PDC: variants seen among roughly 807,000 people sequenced by gnomAD.
PDC encodes phosducin, also known as 33 kDa phototransducing protein.
PDC carries 19 observed loss-of-function variants against 22.2 expected under a neutral mutation model. The observed-to-expected ratio is 0.86, with a 90% CI of 0.60 to 1.26. The LOEUF is 1.26. Ranked by LOEUF, PDC falls within the 50% of genes most tolerant of loss-of-function variation. The pLI is 0.00. For synonymous variants in PDC, 97 were observed against 96.2 expected, an observed-to-expected ratio of 1.01 and a Z score of -0.05; for missense variants, 274 against 286.8, an observed-to-expected ratio of 0.96 and a Z score of 0.32.
rs1460639127 is a variant in PDC at position 186,446,587 on chromosome 1, A to T, written c.62-10T>A. 8.8e-6 allele frequency: 13 copies of T among 1,472,062 alleles called. No homozygotes were observed. The highest frequency in any genetic ancestry group is 1.1e-5 in the Non-Finnish European group (12 of 1,075,128). The allele number at this position is 1,472,062 out of a possible 1,614,324, so 91.2% of individuals were successfully genotyped here. ...ATTACTCCTTTGGGTCCTGGAATGA[A>T]ATTAAAAATAAATTGTTTTCCTTTT... On this transcript the variant is annotated splice_polypyrimidine_tract_variant and intron_variant, in intron 2 of 3. Coordinates refer to ENST00000391997, the MANE Select transcript of PDC (RefSeq NM_002597.5).
At chr1:186,452,696 C>A (rs375267680) in intron 1 of PDC, among the ~76,000 whole-genome samples, 1 of 152,092 alleles carries the variant, frequency 6.6e-6, no homozygotes, top group African/African-American at 2.4e-5. Flanking sequence ...ATTTACAATG[C>A]TATTATTTCA....
Position 186,454,429 on chromosome 1 carries a change from C to G in PDC, c.-24-4946G>C, listed in dbSNP as rs573687368. 1.4e-4 allele frequency among the ~76,000 whole-genome samples: 21 copies of G among 151,764 alleles called. 1 individual carries two copies. In the South Asian group the frequency reaches 4.1e-3, roughly 30 times the overall value. Reference sequence around the variant, plus strand: ...CCTGACCTTGCGATCCACCCTCAGCCTCCCAAAGTGGCTGGGATTACAGTC... The same window carrying G: ...CCTGACCTTGCGATCCACCCTCAGCGTCCCAAAGTGGCTGGGATTACAGTC... On this transcript the variant is annotated intron_variant, in intron 1 of 3. Coordinates refer to ENST00000391997, the MANE Select transcript of PDC (RefSeq NM_002597.5).
At chr1:186,458,755 G>A (rs996935603) in intron 1 of PDC, among the ~76,000 whole-genome samples, 1 of 152,172 alleles carries the variant, frequency 6.6e-6, no homozygotes, top group African/African-American at 2.4e-5. Context: ...CAACAGTCCT[G>A]TTTGGGCCAG....
chr1:186,448,180 G>C (rs1662275236), intron 2 of PDC, among the ~76,000 whole-genome samples: 1 of 152,096 alleles, frequency 6.6e-6, no homozygotes, highest in African/African-American at 2.4e-5. Context: ...AAATTCCCTG[G>C]TCAAAGGGCA....
intron 1 of PDC, among the ~76,000 whole-genome samples, chr1:186,450,012 T>C (rs2102131901): frequency 6.6e-6 from 1 of 152,298 alleles, no homozygotes; most frequent in Middle Eastern, 3.4e-3. Context: ...TGACATGTTG[T>C]AACCGAGGAA....
intron 3 of PDC, 29 bp downstream of exon 3, chr1:186,446,397 A>C (rs766266123): frequency 6.6e-7 from 1 of 1,508,526 alleles, no homozygotes. Flanking sequence ...ATTGTAAATT[A>C]TTTATTACTG....
intron 1 of PDC, among the ~76,000 whole-genome samples, chr1:186,457,810 C>G (rs1468834425): frequency 1.3e-5 from 2 of 152,076 alleles, no homozygotes; most frequent in Non-Finnish European, 2.9e-5. Flanking sequence ...TGTTTTCTTT[C>G]TTTTAAATAC....
chr1:186,446,026 C>A (rs1381667801), intron 3 of PDC, among the ~76,000 whole-genome samples: 1 of 152,112 alleles, frequency 6.6e-6, no homozygotes, highest in East Asian at 1.9e-4. Flanking sequence ...CAAAGTTTAA[C>A]CTTAGCATAA....
intron 1 of PDC, among the ~76,000 whole-genome samples, chr1:186,458,018 G>T (rs1662503269): frequency 1.3e-5 from 2 of 152,024 alleles, no homozygotes; most frequent in Admixed American, 1.3e-4. Context: ...CAACAAATGG[G>T]ACTGGGCAGG....
chr1:186,447,917 C>T (rs952133707), intron 2 of PDC, among the ~76,000 whole-genome samples: 2 of 152,088 alleles, frequency 1.3e-5, no homozygotes, highest in Admixed American at 6.5e-5. Context: ...CTGCATTTTT[C>T]CTTACCTTGT....
chr1:186,459,794 CT>C (rs1224145496), intron 1 of PDC, among the ~76,000 whole-genome samples: 4 of 107,498 alleles, frequency 3.7e-5, no homozygotes, highest in African/African-American at 9.3e-5. Flanking sequence ...AAAATGGACT[CT>C]ATAGTTAGAA....
chr1:186,454,517 C>G (rs948709006), intron 1 of PDC, among the ~76,000 whole-genome samples: 2 of 152,140 alleles, frequency 1.3e-5, no homozygotes, highest in African/African-American at 4.8e-5. Flanking sequence ...CTAATAACGA[C>G]TCTGGAAGGT....
intron 1 of PDC, among the ~76,000 whole-genome samples, chr1:186,451,900 A>T (rs906163765): frequency 6.6e-6 from 1 of 152,232 alleles, no homozygotes; most frequent in Non-Finnish European, 1.5e-5. Context: ...CACTAATACT[A>T]AGACTTAAAT....
rs533402593 is a variant in PDC, at chr1:186,448,678, G to A, written c.61+721C>T. ...TTGTTTTTGTTTTTGTCATAATTAG[G>A]AAGGTATTCCTCACATTGCTATTAT... On this transcript the variant is annotated intron_variant, in intron 2 of 3. Coordinates refer to ENST00000391997, the MANE Select transcript of PDC (RefSeq NM_002597.5). 76 of 966,150 alleles carry A rather than the reference G, an allele frequency of 7.9e-5. No homozygotes were observed. The African/African-American group carries it at 1.2e-3, about 15-fold the overall frequency. 59.8% of individuals were successfully genotyped at this position (966,150 alleles called of 1,614,324 possible).
chr1:186,456,664 T>A, intron 1 of PDC, among the ~76,000 whole-genome samples: 1 of 152,346 alleles, frequency 6.6e-6, no homozygotes. Context: ...ATTTTTTCTT[T>A]CGTTTACATG....
At chr1:186,451,416 C>A (rs1388264018) in intron 1 of PDC, 1 of 152,078 alleles carries the variant, frequency 6.6e-6, no homozygotes, top group Non-Finnish European at 1.5e-5. Context: ...AATTTTGCAT[C>A]TCAAAAGACA....
chr1:186,449,532 A>G, intron 1 of PDC, 49 bp from the exon 2 acceptor site: 2 of 924,120 alleles, frequency 2.2e-6, no homozygotes, highest in Non-Finnish European at 3.6e-6. Context: ...TCCAGGATGT[A>G]CATACATATA....
At chr1:186,457,694 A>C (rs1251913185) in intron 1 of PDC, among the ~76,000 whole-genome samples, 1 of 152,164 alleles carries the variant, frequency 6.6e-6, no homozygotes, top group African/African-American at 2.4e-5. Flanking sequence ...TCATAATAAG[A>C]GTTTTCTTTA....
intron 1 of PDC, among the ~76,000 whole-genome samples, chr1:186,459,752 G>GTATATATATATATA (rs56927589): frequency 0.04 from 4,496 of 111,150 alleles, 148 homozygotes; most frequent in East Asian, 0.055. Flanking sequence ...GTGTGTGTGT[G>GTATATATATATATA]TATATATATA....
Sources: gnomAD v4.1 joint callset for allele counts (sites outside exome capture counted in the v4.1 genomes callset) on GRCh38, gnomAD v4.1.1 for gene constraint, MANE v1.5 for transcripts, NCBI Gene and HGNC (gene_info 2026-07-23, HGNC 2026-07-21) for gene names.